The following CPPED1 variants were observed in gnomAD, a reference collection of about 807,000 sequenced individuals.
The protein encoded by CPPED1 is calcineurin like phosphoesterase domain containing 1, also known as serine/threonine-protein phosphatase CPPED1.
In CPPED1, 28 loss-of-function variants were observed where a neutral mutation model predicts 28.0. The ratio of observed to expected loss-of-function variants is 1.00; its 90% CI spans 0.74 to 1.37. The LOEUF is 1.37. Ranked by LOEUF, CPPED1 falls within the 40% of genes most tolerant of loss-of-function variation. The pLI, the probability that CPPED1 is intolerant of heterozygous loss-of-function variation, is 0.00. For missense variants in CPPED1, 504 were observed against 416.5 expected, an observed-to-expected ratio of 1.21 and a Z score of -1.83; for synonymous variants, 198 against 180.2, an observed-to-expected ratio of 1.10 and a Z score of -0.79.
chr16:12,785,337 T>G (rs919284284), intron 1 of CPPED1, among the ~76,000 whole-genome samples: 1 of 152,000 alleles, frequency 6.6e-6, no homozygotes, highest in African/African-American at 2.4e-5. Context: ...GCAGCCTTGT[T>G]CTCCCATGCT....
intron 1 of CPPED1, among the ~76,000 whole-genome samples, chr16:12,788,392 C>G (rs189517008): frequency 6.6e-6 from 1 of 152,312 alleles, no homozygotes; most frequent in Admixed American, 6.5e-5. Context: ...TTGTACCTGA[C>G]CTTCCAGTAC....
chr16:12,749,772 G>C (rs2080315440), intron 2 of CPPED1, among the ~76,000 whole-genome samples: 1 of 152,146 alleles, frequency 6.6e-6, no homozygotes, highest in South Asian at 2.1e-4. Context: ...ATTTTTAGTA[G>C]AGACGGGGGA....
chr16:12,729,071 G>C (rs556569131), intron 2 of CPPED1, among the ~76,000 whole-genome samples: 2 of 152,112 alleles, frequency 1.3e-5, no homozygotes, highest in Admixed American at 6.6e-5. Context: ...TTTCTGATCT[G>C]CCTGTCACCA....
chr16:12,751,948 G>A (rs1246256666), intron 2 of CPPED1, among the ~76,000 whole-genome samples: 2 of 152,144 alleles, frequency 1.3e-5, no homozygotes, highest in Non-Finnish European at 2.9e-5. Context: ...AAATGTCTGT[G>A]CTAGGAAGCT....
At chr16:12,676,833 T>C (rs1286438275) in intron 3 of CPPED1, among the ~76,000 whole-genome samples, 1 of 152,176 alleles carries the variant, frequency 6.6e-6, no homozygotes, top group East Asian at 1.9e-4. Flanking sequence ...CTTCACTTGT[T>C]TTTAGCTCAT....
At chr16:12,759,303 G>A (rs2080393989) in intron 2 of CPPED1, 1 of 152,324 alleles carries the variant, frequency 6.6e-6, no homozygotes, top group Non-Finnish European at 1.5e-5. Flanking sequence ...TTGATGGCAG[G>A]TGCTGGACAA....
chr16:12,702,725 C>T (rs948309437), intron 3 of CPPED1, among the ~76,000 whole-genome samples: 3 of 152,000 alleles, frequency 2.0e-5, no homozygotes, highest in African/African-American at 7.3e-5. Context: ...TGGCCAGCTG[C>T]GGTGGCTCAC....
At chr16:12,786,867 G>A (rs776677620) in intron 1 of CPPED1, among the ~76,000 whole-genome samples, 1 of 152,184 alleles carries the variant, frequency 6.6e-6, no homozygotes, top group Non-Finnish European at 1.5e-5. Context: ...AGCCGAGATC[G>A]TGCCACTGCA....
intron 3 of CPPED1, among the ~76,000 whole-genome samples, chr16:12,688,132 G>T (rs2141176378): frequency 6.6e-6 from 1 of 151,726 alleles, no homozygotes; most frequent in East Asian, 1.9e-4. Flanking sequence ...CCAGGCTCAG[G>T]TGGTTCTCCT....
chr16:12,686,216 G>T (rs2079932115), intron 3 of CPPED1, among the ~76,000 whole-genome samples: 2 of 149,842 alleles, frequency 1.3e-5, no homozygotes, highest in Admixed American at 6.6e-5. Context: ...AAGATTGCTT[G>T]TTTATTAATT....
chr16:12,679,062 T>C (rs182962707), intron 3 of CPPED1, among the ~76,000 whole-genome samples: 19 of 152,360 alleles, frequency 1.2e-4, no homozygotes, highest in Non-Finnish European at 1.5e-4. Flanking sequence ...TTTGAGAGTT[T>C]GATCAGTGAA....
At chr16:12,667,280 G>C (rs1261303583) in intron 3 of CPPED1, among the ~76,000 whole-genome samples, 4 of 152,104 alleles carry the variant, frequency 2.6e-5, no homozygotes, top group Non-Finnish European at 5.9e-5. Context: ...AAGATTGTCT[G>C]ACAAATATTT....
chr16:12,705,191 C>T (rs1315547847), intron 2 of CPPED1, 142 bp from the exon 3 acceptor site: 2 of 880,628 alleles, frequency 2.3e-6, no homozygotes, highest in Non-Finnish European at 3.4e-6. Flanking sequence ...CTGCAAAATG[C>T]AGTCACGTGC....
At position 12,782,545 on chromosome 16, in the gene CPPED1, T is replaced by TG. The variant is rs1443231073; in HGVS notation, c.71-1143dup. On this transcript the variant is annotated intron_variant, in intron 1 of 3. Transcript: ENST00000381774. ...CAGAGCTGCTCCATCACCTTGAGGC[T>TG]GTTTTTTTTTTTTTTTTCATAATTT... Among the ~76,000 whole-genome samples, 8 of 93,664 alleles carry TG rather than the reference T, an allele frequency of 8.5e-5. No homozygotes were observed. In the South Asian group the frequency reaches 1.9e-3, roughly 22 times the overall value. 61.4% of individuals were successfully genotyped at this position (93,664 alleles called of 152,430 possible). A position where few individuals can be genotyped will look rare whatever the true frequency, so the allele number is the denominator to read the frequency against.
intron 3 of CPPED1, among the ~76,000 whole-genome samples, chr16:12,689,534 T>A (rs1305890789): frequency 6.6e-6 from 1 of 151,928 alleles, no homozygotes; most frequent in Non-Finnish European, 1.5e-5. Flanking sequence ...CCAGCCAGTA[T>A]TTCTTCTTAA....
chr16:12,705,081 C>G (rs1428934039), intron 2 of CPPED1, 32 bp from the exon 3 acceptor site: 9 of 1,569,212 alleles, frequency 5.7e-6, no homozygotes, highest in Non-Finnish European at 5.2e-6. Flanking sequence ...CCTGAGAAAG[C>G]CAGGGGCTTA....
intron 2 of CPPED1, among the ~76,000 whole-genome samples, chr16:12,734,308 G>A (rs2080215465): frequency 6.6e-6 from 1 of 151,872 alleles, no homozygotes. Flanking sequence ...GGCCTCAAGT[G>A]ATCTGCCCAC....
At chr16:12,782,726 G>A (rs1008111132) in intron 1 of CPPED1, among the ~76,000 whole-genome samples, 1 of 151,790 alleles carries the variant, frequency 6.6e-6, no homozygotes, top group Non-Finnish European at 1.5e-5. Flanking sequence ...CAGGCGTGGT[G>A]GCTAATTACA....
intron 3 of CPPED1, among the ~76,000 whole-genome samples, chr16:12,686,614 G>A (rs2079934813): frequency 6.6e-6 from 1 of 152,198 alleles, no homozygotes; most frequent in African/African-American, 2.4e-5. Flanking sequence ...AGTGAGTGCT[G>A]TGGCACATTC....
Sources: gnomAD v4.1 joint callset for allele counts (sites outside exome capture counted in the v4.1 genomes callset) on GRCh38, gnomAD v4.1.1 for gene constraint, MANE v1.5 for transcripts, NCBI Gene and HGNC (gene_info 2026-07-23, HGNC 2026-07-21) for gene names.